The following BAIAP2L2 variants were observed in gnomAD, a reference collection of about 807,000 sequenced individuals.
BAIAP2L2 encodes BAR/IMD domain-containing adapter protein 2-like 2.
BAIAP2L2 carries 65 observed loss-of-function variants against 60.4 expected under a neutral mutation model. The ratio of observed to expected loss-of-function variants is 1.08; its 90% confidence interval spans 0.88 to 1.32. The LOEUF is 1.32. Ranked by LOEUF, BAIAP2L2 falls within the 40% of genes most tolerant of loss-of-function variation. The pLI is 0.00. For missense variants in BAIAP2L2, 836 were observed against 741.2 expected (o/e 1.13, Z -1.48); for synonymous variants, 344 against 301.7 (o/e 1.14, Z -1.45).
chr22:38,101,967 C>CA (rs1055708319), intron 4 of BAIAP2L2, among the ~76,000 whole-genome samples: 1 of 152,120 alleles, frequency 6.6e-6, no homozygotes, highest in South Asian at 2.1e-4. Flanking sequence ...ACCCTCCAAA[C>CA]AAAAATCAGC....
At position 38,109,248 on chromosome 22, in the gene BAIAP2L2, G is replaced by C. The variant is rs570748899; in HGVS notation, c.52-40C>G. Reference sequence around the variant, plus strand: ...CAGGGGAGGAAAAAGGTGTAGAGATGGGGGAGCGAGAAGGAACCACGGATG... The same window carrying C: ...CAGGGGAGGAAAAAGGTGTAGAGATCGGGGAGCGAGAAGGAACCACGGATG... On this transcript the variant is annotated intron_variant, in intron 1 of 13. Coordinates refer to ENST00000381669, the MANE Select transcript of BAIAP2L2 (RefSeq NM_025045.6). The C allele has an allele frequency of 1.3e-5, 20 of 1,520,836 alleles. No individual in the cohort carries two copies. The South Asian group carries it at 1.9e-4, about 15-fold the overall frequency. The allele number at this position is 1,520,836 out of a possible 1,614,324, so 94.2% of individuals were successfully genotyped here.
rs760273506 is a variant in BAIAP2L2 at position 38,109,118 on chromosome 22, C to G, written c.127+15G>C. 1 of 1,605,594 alleles carries G rather than the reference C, an allele frequency of 6.2e-7. No homozygotes were observed. Among genetic ancestry groups the G allele is most frequent in the Non-Finnish European group, 8.5e-7 (1 of 1,174,278 alleles). ...GGCCCAGGGCTGGGGCTCGGTGGCC[C>G]GGGCAGGCACTCACCGTGGAAGGCA... On this transcript the variant is annotated intron_variant, in intron 2 of 13. Transcript: ENST00000381669.
rs1485497304 is a variant in BAIAP2L2, at chr22:38,109,285, C to G, written c.52-77G>C. On this transcript the variant is annotated intron_variant, in intron 1 of 13. Coordinates refer to ENST00000381669, the MANE Select transcript of BAIAP2L2 (RefSeq NM_025045.6). ...AGGAACCACGGATGGAGTCAAGTCA[C>G]CAGGCGTCAGGGACAGGGCACCCCC... 3 of 1,240,122 alleles carry G rather than the reference C, an allele frequency of 2.4e-6. No individual in the cohort carries two copies. In the Admixed American group the frequency reaches 5.6e-5, roughly 23 times the overall value. 76.8% of individuals were successfully genotyped at this position (1,240,122 alleles called of 1,614,324 possible).
chr22:38,088,697 C>G (rs1004536752), intron 10 of BAIAP2L2, 51 bp downstream of exon 10: 11 of 1,525,924 alleles, frequency 7.2e-6, no homozygotes, highest in East Asian at 7.2e-5. Context: ...TTCCCGGCCC[C>G]CAGGGCCTTC....
At chr22:38,085,657 A>T in intron 13 of BAIAP2L2, 29 bp downstream of exon 13, 1 of 1,609,462 alleles carries the variant, frequency 6.2e-7, no homozygotes, top group East Asian at 2.2e-5. Flanking sequence ...CACCCTCCTC[A>T]CTGTTTGGGC....
chr22:38,089,439 C>T, intron 8 of BAIAP2L2, 83 bp downstream of exon 8: 1 of 783,688 alleles, frequency 1.3e-6, no homozygotes, highest in African/African-American at 1.8e-5. Flanking sequence ...GGGCAGGAGG[C>T]TCCAGGCTGG....
intron 6 of BAIAP2L2, among the ~76,000 whole-genome samples, chr22:38,097,807 T>A (rs1307498702): frequency 6.6e-6 from 1 of 151,856 alleles, no homozygotes; most frequent in Non-Finnish European, 1.5e-5. Context: ...GTGGGATGGG[T>A]TTGCAGGAGA....
chr22:38,085,098 G>T lies in BAIAP2L2; in HGVS notation c.*202C>A. 1 of 551,502 alleles carries T rather than the reference G, an allele frequency of 1.8e-6. No individual in the cohort carries two copies. The highest frequency in any genetic ancestry group is 2.0e-5 in the South Asian group (1 of 49,538). The allele number at this position is 551,502 out of a possible 1,614,324, so 34.2% of individuals were successfully genotyped here. A position where few individuals can be genotyped will look rare whatever the true frequency, so the allele number is the denominator to read the frequency against. ...AGAAATTGTCCTGTCCCCCCATTCC[G>T]CCTGCTTTACTTTGAAGGTCTCGGA... On this transcript the variant is annotated 3_prime_UTR_variant, in exon 14 of 14. Transcript: ENST00000381669.
At chr22:38,092,337 C>T (rs1040263365) in intron 7 of BAIAP2L2, among the ~76,000 whole-genome samples, 3 of 152,196 alleles carry the variant, frequency 2.0e-5, no homozygotes, top group South Asian at 2.1e-4. Context: ...AGTGCAGTGG[C>T]GCAATCTCGG....
chr22:38,095,610 C>G (rs1232382936), intron 7 of BAIAP2L2, among the ~76,000 whole-genome samples: 2 of 152,124 alleles, frequency 1.3e-5, no homozygotes, highest in African/African-American at 4.8e-5. Context: ...AGCGATCCAC[C>G]CACCTCGCGC....
chr22:38,108,103 G>T (rs949014131), intron 3 of BAIAP2L2, 152 bp downstream of exon 3: 4 of 926,330 alleles, frequency 4.3e-6, no homozygotes, highest in Non-Finnish European at 5.0e-6. Flanking sequence ...GCCCGGCAGG[G>T]AGTGGTGGCG....
At position 38,110,339 on chromosome 22, in the gene BAIAP2L2, CT is replaced by C. The variant is rs1225545145; in HGVS notation, c.51+135del. 10 of 895,366 alleles carry C rather than the reference CT, an allele frequency of 1.1e-5. No homozygotes were observed. The African/African-American group carries it at 1.2e-4, about 10-fold the overall frequency. The allele number at this position is 895,366 out of a possible 1,614,324, so 55.5% of individuals were successfully genotyped here. On this transcript the variant is annotated intron_variant, in intron 1 of 13. Transcript: ENST00000381669. The stretch of plus-strand genomic sequence containing the variant: ...GGGATCCTTACCCCCGTACCCACCC[CT>C]GGCCCAGCCTGGCTCCAGGCTTCCC...
At chr22:38,094,001 G>T (rs1191152686) in intron 7 of BAIAP2L2, 1 of 456,406 alleles carries the variant, frequency 2.2e-6, no homozygotes, top group Non-Finnish European at 4.4e-6. Context: ...ATACAATGTG[G>T]TGTATCCAAG....
chr22:38,110,678 G>C lies in BAIAP2L2; in HGVS notation c.-153C>G. The C allele has an allele frequency of 1.7e-6, 1 of 604,038 alleles. No homozygotes were observed. The highest frequency in any genetic ancestry group is 2.9e-6 in the Non-Finnish European group (1 of 346,552). 37.4% of individuals were successfully genotyped at this position (604,038 alleles called of 1,614,324 possible). A position where few individuals can be genotyped will look rare whatever the true frequency, so the allele number is the denominator to read the frequency against. ...CTGGAGATGGAGGCCTGCCTCAGAGGAGTGGCAGCTTAATTATTCACCAAC... is the reference window on the plus strand; with the variant it reads ...CTGGAGATGGAGGCCTGCCTCAGAGCAGTGGCAGCTTAATTATTCACCAAC... On this transcript the variant is annotated 5_prime_UTR_variant, in exon 1 of 14. Coordinates refer to ENST00000381669, the MANE Select transcript of BAIAP2L2 (RefSeq NM_025045.6).
Position 38,086,311 on chromosome 22 carries a change from A to G in BAIAP2L2, c.1398T>C (p.Pro466=). The G allele has an allele frequency of 6.3e-7, 1 of 1,585,264 alleles. No individual in the cohort carries two copies. The highest frequency in any genetic ancestry group is 8.6e-7 in the Non-Finnish European group (1 of 1,162,026). ...PSRVPSRAPS[P]APPPLPSSRR... ...GGCTGCTGGGCAAGGGTGGAGGTGC[A>G]GGGCTGGGGGCACGGCTTGGCACCC... The change falls in exon 12 of 14, where the codon CCT becomes CCC. Residue 466 remains proline, a synonymous_variant. Coordinates refer to ENST00000381669, the MANE Select transcript of BAIAP2L2 (RefSeq NM_025045.6).
At chr22:38,100,271 G>A (rs2086538142) in intron 4 of BAIAP2L2, among the ~76,000 whole-genome samples, 2 of 152,088 alleles carry the variant, frequency 1.3e-5, no homozygotes, top group African/African-American at 4.8e-5. Context: ...GTGAACTCAG[G>A]CCAGGCGTGG....
At chr22:38,091,400 T>C (rs1421822271) in intron 7 of BAIAP2L2, 1 of 152,222 alleles carries the variant, frequency 6.6e-6, no homozygotes, top group Non-Finnish European at 1.5e-5. Flanking sequence ...ATTGGATTGT[T>C]TGTAACACGA....
At chr22:38,104,771 C>G (rs1020408555) in intron 4 of BAIAP2L2, among the ~76,000 whole-genome samples, 5 of 152,262 alleles carry the variant, frequency 3.3e-5, no homozygotes, top group Middle Eastern at 3.4e-3. Flanking sequence ...GCTGGGATTA[C>G]AGGCGTGAGC....
chr22:38,085,219 C>T lies in BAIAP2L2; in HGVS notation c.*81G>A. The T allele has an allele frequency of 6.9e-7, 1 of 1,457,896 alleles. No homozygotes were observed. Among genetic ancestry groups the T allele is most frequent in the Non-Finnish European group, 9.5e-7 (1 of 1,051,658 alleles). 90.3% of individuals were successfully genotyped at this position (1,457,896 alleles called of 1,614,324 possible). On this transcript the variant is annotated 3_prime_UTR_variant, in exon 14 of 14. Coordinates refer to ENST00000381669, the MANE Select transcript of BAIAP2L2 (RefSeq NM_025045.6). ...AGGGACCCGCTTCTTGGATCTGCTG[C>T]TGTTGCTGCTGTCGCTGCCATTGCC... is the stretch of plus-strand genomic sequence containing the variant.
Sources: gnomAD v4.1 joint callset for allele counts (sites outside exome capture counted in the v4.1 genomes callset) on GRCh38, gnomAD v4.1.1 for gene constraint, MANE v1.5 for transcripts, NCBI Gene and HGNC (gene_info 2026-07-23, HGNC 2026-07-21) for gene names.